Variants in THSD7A observed in about 807,000 individuals in gnomAD.
The protein encoded by THSD7A is thrombospondin type 1 domain containing 7A, also known as thrombospondin type-1 domain-containing protein 7A.
A neutral mutation model predicts 231.3 loss-of-function variants in THSD7A; 96 were observed. The ratio of observed to expected loss-of-function variants is 0.41; its 90% CI spans 0.35 to 0.49. The LOEUF is 0.49. Among genes scored for constraint, THSD7A ranks in the 20% least tolerant of loss-of-function variants. The pLI is 0.05. For missense variants in THSD7A, 2,290 were observed against 2,070.2 expected (o/e 1.11, Z -2.06); for synonymous variants, 940 against 743.3 (o/e 1.26, Z -4.30).
intron 6 of THSD7A, among the ~76,000 whole-genome samples, chr7:11,536,292 A>G (rs1788912640): frequency 6.6e-6 from 1 of 152,056 alleles, no homozygotes; most frequent in Admixed American, 6.6e-5. Context: ...TATATTCCTT[A>G]CCACATAATT....
intron 23 of THSD7A, among the ~76,000 whole-genome samples, chr7:11,395,993 C>T (rs1211391822): frequency 6.6e-6 from 1 of 152,184 alleles, no homozygotes; most frequent in Non-Finnish European, 1.5e-5. Flanking sequence ...GAAACCCACT[C>T]AAAACCGCTC....
chr7:11,683,136 A>T (rs1783932479), intron 1 of THSD7A, among the ~76,000 whole-genome samples: 1 of 151,592 alleles, frequency 6.6e-6, no homozygotes, highest in Non-Finnish European at 1.5e-5. Flanking sequence ...AAAAAAAAAA[A>T]ATCAAAATCA....
At chr7:11,566,665 GTATTT>G (rs1336179175) in intron 4 of THSD7A, among the ~76,000 whole-genome samples, 2 of 151,992 alleles carry the variant, frequency 1.3e-5, no homozygotes, top group Non-Finnish European at 2.9e-5. Flanking sequence ...TTTTTCAATG[GTATTT>G]TATTTTCTCT....
At chr7:11,603,553 T>A (rs1162642589) in intron 2 of THSD7A, among the ~76,000 whole-genome samples, 3 of 151,914 alleles carry the variant, frequency 2.0e-5, no homozygotes, top group South Asian at 2.1e-4. Flanking sequence ...ACTATAAATC[T>A]TGCTGCTATA....
Position 11,448,099 on chromosome 7 carries a change from C to A in THSD7A, c.2606-675G>T, listed in dbSNP as rs150302191. Among the ~76,000 whole-genome samples the A allele has an allele frequency of 2.6e-5, 4 of 152,172 alleles. No individual in the cohort carries two copies. The East Asian group carries it at 7.8e-4, about 30-fold the overall frequency. On this transcript the variant is annotated intron_variant, in intron 11 of 27. Coordinates refer to ENST00000423059, the MANE Select transcript of THSD7A (RefSeq NM_015204.3). ...AGTTCTTCACATGCACAAACATCAA[C>A]CTGGCACTTAAAAATTTTCAATAAT...
At chr7:11,669,077 C>G (rs1783270344) in intron 1 of THSD7A, among the ~76,000 whole-genome samples, 1 of 152,124 alleles carries the variant, frequency 6.6e-6, no homozygotes, top group Non-Finnish European at 1.5e-5. Context: ...ATTTCCCTAA[C>G]CCACATACCA....
chr7:11,698,660 C>T (rs1361865648), intron 1 of THSD7A, among the ~76,000 whole-genome samples: 1 of 151,330 alleles, frequency 6.6e-6, no homozygotes, highest in Non-Finnish European at 1.5e-5. Flanking sequence ...ACCTTTATTC[C>T]TCAAAGTATC....
At chr7:11,410,219 CAT>C (rs1336074218) in intron 19 of THSD7A, among the ~76,000 whole-genome samples, 5 of 152,172 alleles carry the variant, frequency 3.3e-5, no homozygotes, top group Admixed American at 2.0e-4. Flanking sequence ...GTTTTCAACA[CAT>C]GTGGGTGCTC....
Position 11,611,738 on chromosome 7 carries a change from G to T in THSD7A, c.1023-18236C>A, listed in dbSNP as rs544237806. ...AAAACACAGGAGTGTTTTGAAGGTT[G>T]TAGGTTAATCCAGAATGCATTGCTA... On this transcript the variant is annotated intron_variant, in intron 2 of 27. Transcript: ENST00000423059. 6.6e-5 allele frequency among the ~76,000 whole-genome samples: 10 copies of T among 150,698 alleles called. No individual in the cohort carries two copies. In the East Asian group the frequency reaches 1.8e-3, roughly 27 times the overall value.
intron 13 of THSD7A, 98 bp downstream of exon 13, chr7:11,445,963 C>T (rs62438187): frequency 0.016 from 22,960 of 1,414,258 alleles, 204 homozygotes; most frequent in Middle Eastern, 0.033. Flanking sequence ...TTAGAATATA[C>T]GTCTGTAAAC....
intron 1 of THSD7A, among the ~76,000 whole-genome samples, chr7:11,692,474 A>C (rs1391190116): frequency 6.6e-6 from 1 of 151,596 alleles, no homozygotes; most frequent in African/African-American, 2.4e-5. Context: ...TTAACAACCG[A>C]ATTTTAAAAA....
chr7:11,641,886 G>C (rs1477708221), intron 1 of THSD7A, among the ~76,000 whole-genome samples: 1 of 152,030 alleles, frequency 6.6e-6, no homozygotes, highest in Non-Finnish European at 1.5e-5. Flanking sequence ...TGAAAGATCA[G>C]ATCTTCCCCA....
intron 6 of THSD7A, among the ~76,000 whole-genome samples, chr7:11,496,622 A>G (rs536730980): frequency 2.6e-4 from 40 of 152,322 alleles, no homozygotes; most frequent in African/African-American, 9.4e-4. Context: ...AAGGAACACA[A>G]ATAAATTACA....
Position 11,593,361 on chromosome 7 carries a change from C to T in THSD7A, c.1164G>A (p.Arg388=). The change falls in exon 3 of 28, where the codon AGG becomes AGA. Residue 388 remains arginine (R), a synonymous_variant. Transcript: ENST00000423059. ...TGGGAAACTGCCTGATGGTTCGTGT[C>T]CTTACACGAGTGCCTGCAGGGGACA... ...DMVSPAGTRV[R]TRTIRQFPIG... is the part of the protein sequence containing the mutation. 6.2e-7 allele frequency: 1 copy of T among 1,614,006 alleles called. No individual in the cohort carries two copies. Among genetic ancestry groups the T allele is most frequent in the Non-Finnish European group, 8.5e-7 (1 of 1,179,908 alleles).
chr7:11,655,352 C>G (rs1212923407), intron 1 of THSD7A, among the ~76,000 whole-genome samples: 1 of 151,840 alleles, frequency 6.6e-6, no homozygotes, highest in East Asian at 1.9e-4. Context: ...GGTGACAGAG[C>G]TCATTGTTTA....
In THSD7A at chr7:11,590,459, C is replaced by A; in HGVS notation, c.1453+1G>T. 1.2e-6 allele frequency: 2 copies of A among 1,608,566 alleles called. No individual in the cohort carries two copies. Among genetic ancestry groups the A allele is most frequent in the Non-Finnish European group, 1.7e-6 (2 of 1,177,410 alleles). On this transcript the variant is annotated splice_donor_variant, in intron 4 of 27. Transcript: ENST00000423059. LOFTEE classifies it high-confidence loss of function. The surrounding 1 kb of genome is among the most constrained non-coding windows in gnomAD (Gnocchi z 4.4). ...ATCCTTGAGAAGAAAGCAAAGGTTA[C>A]CTTCTTTGTTCTTGTGGGTACTTAA...
intron 2 of THSD7A, among the ~76,000 whole-genome samples, chr7:11,621,263 C>T (rs1002613498): frequency 6.6e-6 from 1 of 152,152 alleles, no homozygotes; most frequent in Admixed American, 6.5e-5. Context: ...TGACATAATC[C>T]ATTATACGTT....
intron 11 of THSD7A, among the ~76,000 whole-genome samples, chr7:11,459,196 C>G (rs919450310): frequency 1.3e-5 from 2 of 151,620 alleles, no homozygotes; most frequent in African/African-American, 2.4e-5. Context: ...GGTCCAAACC[C>G]CTCTTTTTTT....
At chr7:11,688,278 T>C (rs1000896055) in intron 1 of THSD7A, among the ~76,000 whole-genome samples, 19 of 151,858 alleles carry the variant, frequency 1.3e-4, no homozygotes, top group Non-Finnish European at 2.4e-4. Context: ...GGTGTATATA[T>C]GTGCCACATT....
Sources: allele counts gnomAD v4.1 joint callset (sites outside exome capture counted in the v4.1 genomes callset), GRCh38; gene constraint gnomAD v4.1.1; non-coding constraint Gnocchi (gnomAD v3.1); transcripts MANE v1.5; gene names NCBI Gene and HGNC (gene_info 2026-07-23, HGNC 2026-07-21).